Variants in DNAH6 observed in about 807,000 individuals in gnomAD.
DNAH6 encodes the protein dynein axonemal heavy chain 6, also known as axonemal beta dynein heavy chain 6.
Under a neutral mutation model 491.4 loss-of-function variants are expected in DNAH6, and 340 were observed. The observed-to-expected ratio is 0.69, with a 90% confidence interval of 0.63 to 0.76. The LOEUF (loss-of-function observed/expected upper bound fraction) is 0.76, where lower values mean the gene tolerates loss of function less well. Ranked by LOEUF, DNAH6 falls within the 30% of genes least tolerant of loss-of-function variation. DNAH6 has a pLI of 0.00. For synonymous variants in DNAH6, 1,603 were observed against 1,686.1 expected (o/e 0.95, Z 1.21); for missense variants, 4,443 against 4,972.2 (o/e 0.89, Z 3.20).
At chr2:84,718,966 T>C (rs766162972) in intron 59 of DNAH6, among the ~76,000 whole-genome samples, 1 of 152,248 alleles carries the variant, frequency 6.6e-6, no homozygotes. Flanking sequence ...AAGTTTTACC[T>C]TAAACTTAAA....
intron 64 of DNAH6, among the ~76,000 whole-genome samples, chr2:84,769,220 G>A (rs2105166806): frequency 6.6e-6 from 1 of 152,316 alleles, no homozygotes; most frequent in East Asian, 1.9e-4. Context: ...AGCCAGAGCG[G>A]GCAACCAAGA....
In DNAH6 at chr2:84,722,850, A is replaced by G. The variant is rs766682811; in HGVS notation, c.9972+46A>G. ...AATGACAGTCATCTCTTTGGCCTCCATTACACCTGTTGAATTACTTCTTGC... is the reference window on the plus strand; with the variant it reads ...AATGACAGTCATCTCTTTGGCCTCCGTTACACCTGTTGAATTACTTCTTGC... On this transcript the variant is annotated intron_variant, in intron 60 of 76. Transcript: ENST00000389394. 1.0e-5 allele frequency: 12 copies of G among 1,154,508 alleles called. No individual in the cohort carries two copies. The South Asian group carries it at 1.7e-4, about 16-fold the overall frequency. The allele number at this position is 1,154,508 out of a possible 1,614,324, so 71.5% of individuals were successfully genotyped here.
intron 15 of DNAH6, among the ~76,000 whole-genome samples, chr2:84,587,867 G>A (rs1403771495): frequency 6.6e-6 from 1 of 152,198 alleles, no homozygotes; most frequent in Non-Finnish European, 1.5e-5. Context: ...GCAGCGTCCA[G>A]TGCAGTTTGG....
the DNAH6 span, among the ~76,000 whole-genome samples, chr2:84,475,358 T>C: frequency 6.6e-6 from 1 of 152,214 alleles, no homozygotes; most frequent in Non-Finnish European, 1.5e-5. Flanking sequence ...AGCTCCCTCT[T>C]CCCATTTCCC....
chr2:84,723,321 A>T (rs1698339124), intron 60 of DNAH6, among the ~76,000 whole-genome samples: 1 of 152,068 alleles, frequency 6.6e-6, no homozygotes, highest in Non-Finnish European at 1.5e-5. Flanking sequence ...TATATATATA[A>T]AAGGTATATA....
At chr2:84,669,718 T>C (rs1351661608) in intron 38 of DNAH6, among the ~76,000 whole-genome samples, 1 of 152,224 alleles carries the variant, frequency 6.6e-6, no homozygotes. Flanking sequence ...TTGGAGTTGA[T>C]ACTATATGAA....
At chr2:84,699,885 T>G (rs1010907239) in intron 48 of DNAH6, among the ~76,000 whole-genome samples, 151 bp downstream of exon 48, 2 of 152,188 alleles carry the variant, frequency 1.3e-5, no homozygotes, top group Non-Finnish European at 2.9e-5. Flanking sequence ...GTGACAATCA[T>G]AGAACAAAGA....
At chr2:84,815,806 C>A in intron 75 of DNAH6, 55 bp from the exon 76 acceptor site, 1 of 1,331,196 alleles carries the variant, frequency 7.5e-7, no homozygotes, top group Non-Finnish European at 1.0e-6. Flanking sequence ...AAGTGGCTCA[C>A]ACCTGCTGAT....
intron 26 of DNAH6, among the ~76,000 whole-genome samples, chr2:84,622,245 T>G (rs1481868743): frequency 6.6e-6 from 1 of 152,184 alleles, no homozygotes; most frequent in Non-Finnish European, 1.5e-5. Context: ...TCCAGGTTTA[T>G]TCATGCTACC....
intron 67 of DNAH6, among the ~76,000 whole-genome samples, chr2:84,786,877 GA>G (rs1356687609): frequency 6.6e-6 from 1 of 152,128 alleles, no homozygotes; most frequent in Admixed American, 6.5e-5. Context: ...GCTTTGATGA[GA>G]AAATGCTTTA....
chr2:84,601,493 G>T (rs1180255946), intron 18 of DNAH6, among the ~76,000 whole-genome samples: 1 of 151,922 alleles, frequency 6.6e-6, no homozygotes, highest in Non-Finnish European at 1.5e-5. Context: ...AAGATTCCTT[G>T]TTCTAACATT....
chr2:84,544,507 A>G lies in DNAH6; in HGVS notation c.930+7A>G. On this transcript the variant is annotated splice_region_variant and intron_variant, in intron 5 of 76. Transcript: ENST00000389394. ...TTTGTTCATTGTTAATCCTGTATGT[A>G]TTTATCATTTATATTTTAAAATAAT... 1.5e-6 allele frequency: 2 copies of G among 1,331,774 alleles called. No homozygotes were observed. The highest frequency in any genetic ancestry group is 1.4e-5 in the South Asian group (1 of 71,496). The allele number at this position is 1,331,774 out of a possible 1,614,324, so 82.5% of individuals were successfully genotyped here. A position where few individuals can be genotyped will look rare whatever the true frequency, so the allele number is the denominator to read the frequency against.
rs1688961173 is a variant in DNAH6 at position 84,637,165 on chromosome 2, A to C, written c.4654-45A>C. 2.0e-6 allele frequency: 3 copies of C among 1,465,044 alleles called. No homozygotes were observed. In the East Asian group the frequency reaches 7.6e-5, roughly 37 times the overall value. 90.8% of individuals were successfully genotyped at this position (1,465,044 alleles called of 1,614,324 possible). Reference sequence around the variant, plus strand: ...GAGTAATAATTAGGTGAAAAATTTTACAAGTGTCTGGAAGAGTGTTAACTT... The same window carrying C: ...GAGTAATAATTAGGTGAAAAATTTTCCAAGTGTCTGGAAGAGTGTTAACTT... On this transcript the variant is annotated intron_variant, in intron 30 of 76. Transcript: ENST00000389394.
intron 61 of DNAH6, among the ~76,000 whole-genome samples, chr2:84,732,506 T>A (rs1265736307): frequency 6.6e-6 from 1 of 152,214 alleles, no homozygotes. Flanking sequence ...TTGAAAACAC[T>A]AAGCTAAGAC....
rs932169963 is a variant in DNAH6, at chr2:84,694,585, C to T, written c.7524+105C>T. On this transcript the variant is annotated intron_variant, in intron 46 of 76. Coordinates refer to ENST00000389394, the MANE Select transcript of DNAH6 (RefSeq NM_001370.2). ...AGGATGAAGTTCAAGGGGATTGTTC[C>T]CTTTGATAACAGATTTCCTGCAGCT... The T allele has an allele frequency of 4.1e-6, 3 of 736,336 alleles. No individual in the cohort carries two copies. The African/African-American group carries it at 5.4e-5, about 13-fold the overall frequency. 45.6% of individuals were successfully genotyped at this position (736,336 alleles called of 1,614,324 possible). A position where few individuals can be genotyped will look rare whatever the true frequency, so the allele number is the denominator to read the frequency against.
Position 84,757,756 on chromosome 2 carries a change from G to A in DNAH6, c.10513-4999G>A, listed in dbSNP as rs1208919100. Reference sequence around the variant, plus strand: ...AATGATTGTGAGATACAACCCTTGGGCTGGCATGCATACATAACTCACTTC... The same window carrying A: ...AATGATTGTGAGATACAACCCTTGGACTGGCATGCATACATAACTCACTTC... On this transcript the variant is annotated intron_variant, in intron 63 of 76. Transcript: ENST00000389394. 2.0e-5 allele frequency among the ~76,000 whole-genome samples: 3 copies of A among 152,146 alleles called. No homozygotes were observed. In the East Asian group the frequency reaches 5.8e-4, roughly 29 times the overall value.
intron 68 of DNAH6, among the ~76,000 whole-genome samples, chr2:84,788,697 G>T (rs924211032): frequency 6.6e-6 from 1 of 152,152 alleles, no homozygotes; most frequent in Non-Finnish European, 1.5e-5. Flanking sequence ...GCCTTTATCA[G>T]GTCGATTTAT....
intron 68 of DNAH6, 32 bp from the exon 69 acceptor site, chr2:84,796,274 G>A (rs762608042): frequency 8.6e-6 from 12 of 1,398,152 alleles, no homozygotes; most frequent in Non-Finnish European, 1.1e-5. Context: ...TTTAAAAACA[G>A]CAATAATTTC....
intron 35 of DNAH6, 44 bp downstream of exon 35, chr2:84,654,826 C>T: frequency 6.5e-7 from 1 of 1,544,126 alleles, no homozygotes; most frequent in Middle Eastern, 1.7e-4. Flanking sequence ...TCTGTCAGGA[C>T]TCATGTTGCC....
Sources: gnomAD v4.1 joint callset for allele counts (sites outside exome capture counted in the v4.1 genomes callset) on GRCh38, gnomAD v4.1.1 for gene constraint, MANE v1.5 for transcripts, NCBI Gene and HGNC (gene_info 2026-07-23, HGNC 2026-07-21) for gene names.